Variants in ASCC3 observed in about 807,000 individuals in gnomAD.
ASCC3 encodes the protein activating signal cointegrator 1 complex subunit 3.
A neutral mutation model predicts 256.3 loss-of-function variants in ASCC3; 158 were observed. That is an observed-to-expected ratio of 0.62 (90% CI 0.54 to 0.70). ASCC3 has a LOEUF of 0.70. ASCC3 is among the 30% of genes least tolerant of loss of function. The pLI is 0.00. For missense variants in ASCC3, 2,259 were observed against 2,626.0 expected, an observed-to-expected ratio of 0.86 and a Z score of 3.05; for synonymous variants, 948 against 883.4, an observed-to-expected ratio of 1.07 and a Z score of -1.30.
chr6:100,638,872 T>C (rs1774976661), intron 24 of ASCC3, 51 bp from the exon 25 acceptor site: 2 of 1,328,908 alleles, frequency 1.5e-6, no homozygotes, highest in African/African-American at 1.4e-5. Flanking sequence ...ACACGCATAA[T>C]ACTGAATACT....
intron 2 of ASCC3, among the ~76,000 whole-genome samples, chr6:100,866,911 GTATCT>G (rs1198939468): frequency 5.9e-5 from 9 of 152,130 alleles, no homozygotes; most frequent in South Asian, 2.1e-4. Flanking sequence ...TTTCCTTTAA[GTATCT>G]TATAAGTACA....
chr6:100,700,809 T>C (rs554027241), intron 13 of ASCC3, among the ~76,000 whole-genome samples: 12 of 152,258 alleles, frequency 7.9e-5, no homozygotes, highest in Non-Finnish European at 1.6e-4. Context: ...CCAATGCCTG[T>C]ACCCCATTGT....
rs1201105212 is a variant in ASCC3 at position 100,525,199 on chromosome 6, AAAAAG to A, written c.5776-7062_5776-7058del. On this transcript the variant is annotated intron_variant, in intron 37 of 41. Transcript: ENST00000369162. ...AAAAAAAAAAGAAAGAAAGAAAAAGAAAAAGAAAAGAGAAAATAAGATCATGACAA... is the reference window on the plus strand; with the variant it reads ...AAAAAAAAAAGAAAGAAAGAAAAAGAAAAAGAGAAAATAAGATCATGACAA... Among the ~76,000 whole-genome samples the A allele has an allele frequency of 1.1e-4, 17 of 150,774 alleles. No individual in the cohort carries two copies. In the East Asian group the frequency reaches 2.7e-3, roughly 24 times the overall value.
intron 11 of ASCC3, 68 bp from the exon 12 acceptor site, chr6:100,718,319 T>C: frequency 7.3e-7 from 1 of 1,364,742 alleles, no homozygotes; most frequent in Non-Finnish European, 1.0e-6. Flanking sequence ...TTATAATTTG[T>C]CCTATTAATA....
intron 34 of ASCC3, among the ~76,000 whole-genome samples, chr6:100,590,813 G>A (rs1771966377): frequency 2.6e-5 from 4 of 151,972 alleles, no homozygotes; most frequent in African/African-American, 2.4e-5. Context: ...CAATTTTTGT[G>A]ATATTTTTCA....
At position 100,661,323 on chromosome 6, in the gene ASCC3, T is replaced by TCGCACACACACA. The variant is rs1435976050; in HGVS notation, c.2703+482_2703+483insTGTGTGTGTGCG. On this transcript the variant is annotated intron_variant, in intron 16 of 41. Coordinates refer to ENST00000369162, the MANE Select transcript of ASCC3 (RefSeq NM_006828.4). ...TGCTATGTAAATCTTAACACAAAAG[T>TCGCACACACACA]CACACACACACACACACACACACAC... is the stretch of plus-strand genomic sequence containing the variant. 1.5e-3 allele frequency among the ~76,000 whole-genome samples: 219 copies of TCGCACACACACA among 141,616 alleles called. 6 individuals are homozygous for TCGCACACACACA. In the East Asian group the frequency reaches 0.023, roughly 15 times the overall value. The allele number at this position is 141,616 out of a possible 152,430, so 92.9% of individuals were successfully genotyped here. A position where few individuals can be genotyped will look rare whatever the true frequency, so the allele number is the denominator to read the frequency against.
At chr6:100,601,238 A>T (rs1772592450) in intron 34 of ASCC3, among the ~76,000 whole-genome samples, 1 of 152,088 alleles carries the variant, frequency 6.6e-6, no homozygotes, top group African/African-American at 2.4e-5. Flanking sequence ...GTAACGACTT[A>T]TATGGTTTTT....
At chr6:100,818,410 T>C (rs1309827786) in intron 4 of ASCC3, among the ~76,000 whole-genome samples, 2 of 151,302 alleles carry the variant, frequency 1.3e-5, no homozygotes. Flanking sequence ...CTACTAAAAA[T>C]ACAAAAACTA....
chr6:100,794,339 A>C (rs1374745442), intron 8 of ASCC3, among the ~76,000 whole-genome samples: 1 of 152,060 alleles, frequency 6.6e-6, no homozygotes, highest in South Asian at 2.1e-4. Context: ...TATGGCCTAC[A>C]TGCTAATAAG....
Position 100,646,660 on chromosome 6 carries a change from G to A in ASCC3, c.3588C>T (p.Leu1196=), listed in dbSNP as rs752132341. ...CAGCATAGATGCTGAGTGTCACTCG[G>A]AGGACAGTCCTTGTGATAGGCTGAA... The part of the protein sequence containing the change: ...ASIQPITRTV[L]RVTLSIYADF... The change falls in exon 22 of 42, where the codon CTC becomes CTT. Residue 1196 remains leucine (L), a synonymous_variant. Transcript: ENST00000369162. 43 of 1,613,922 alleles carry A rather than the reference G, an allele frequency of 2.7e-5. No homozygotes were observed. The highest frequency in any genetic ancestry group is 3.6e-5 in the Non-Finnish European group (42 of 1,179,998).
intron 36 of ASCC3, among the ~76,000 whole-genome samples, chr6:100,542,044 A>G (rs979107270): frequency 6.6e-6 from 1 of 152,188 alleles, no homozygotes; most frequent in African/African-American, 2.4e-5. Context: ...CACAACATCA[A>G]TGAGTTGTGA....
At chr6:100,704,906 A>G (rs1019153289) in intron 13 of ASCC3, among the ~76,000 whole-genome samples, 12 of 152,134 alleles carry the variant, frequency 7.9e-5, no homozygotes, top group Non-Finnish European at 1.5e-4. Context: ...TTCTTTTCCT[A>G]TAACTGTAAC....
intron 38 of ASCC3, 93 bp downstream of exon 38, chr6:100,517,898 T>C: frequency 7.4e-7 from 1 of 1,349,634 alleles, no homozygotes; most frequent in Non-Finnish European, 1.0e-6. Flanking sequence ...TAATCAGTAT[T>C]CTCCATAACA....
Position 100,647,285 on chromosome 6 carries a change from C to A in ASCC3, c.3419G>T (p.Arg1140Ile). The A allele has an allele frequency of 6.2e-7, 1 of 1,613,816 alleles. No homozygotes were observed. ...CACAGTAAGCTTTTTTTCTTCTAATCTTGTTAGGATGTGTGGTGGTAGGAT... is the reference window on the plus strand; with the variant it reads ...CACAGTAAGCTTTTTTTCTTCTAATATTGTTAGGATGTGTGGTGGTAGGAT... ...FSILPPHILTRLEEKKLTVDK... is the reference protein window; with the variant it reads ...FSILPPHILTILEEKKLTVDK... Residue 1140 changes from arginine to isoleucine, a missense_variant, in exon 21 of 42, where the codon AGA (arginine) becomes ATA (isoleucine). Around this residue, in one of 2 missense-constraint regions of ASCC3, gnomAD observed 1,839 missense variants for 2,206.7 expected, o/e 0.83. Coordinates refer to ENST00000369162, the MANE Select transcript of ASCC3 (RefSeq NM_006828.4).
intron 37 of ASCC3, among the ~76,000 whole-genome samples, chr6:100,529,996 T>G (rs1236173044): frequency 6.6e-6 from 1 of 152,160 alleles, no homozygotes; most frequent in Non-Finnish European, 1.5e-5. Context: ...GATTTTTTTT[T>G]TTTTCTTTTT....
intron 24 of ASCC3, among the ~76,000 whole-genome samples, chr6:100,639,836 C>T (rs778570780): frequency 6.6e-6 from 1 of 152,092 alleles, no homozygotes; most frequent in Non-Finnish European, 1.5e-5. Context: ...AAATTGAGGC[C>T]GGGAGCGGTG....
intron 8 of ASCC3, among the ~76,000 whole-genome samples, chr6:100,794,220 A>C (rs1769489118): frequency 6.6e-6 from 1 of 152,040 alleles, no homozygotes; most frequent in Admixed American, 6.6e-5. Context: ...TATTTTTAAG[A>C]AGTAATATTT....
intron 30 of ASCC3, among the ~76,000 whole-genome samples, chr6:100,617,509 C>T (rs186141450): frequency 6.6e-6 from 1 of 152,256 alleles, no homozygotes; most frequent in Admixed American, 6.5e-5. Context: ...TTAAATTACA[C>T]AGTAAAACTT....
chr6:100,677,082 A>G (rs758888490), intron 14 of ASCC3, among the ~76,000 whole-genome samples: 1 of 152,140 alleles, frequency 6.6e-6, no homozygotes, highest in South Asian at 2.1e-4. Context: ...GTCTCCCACC[A>G]TGATGATAAT....
Sources: allele counts gnomAD v4.1 joint callset (sites outside exome capture counted in the v4.1 genomes callset), GRCh38; gene constraint gnomAD v4.1.1; regional missense constraint gnomAD v4.1.1; transcripts MANE v1.5; gene names NCBI Gene and HGNC (gene_info 2026-07-23, HGNC 2026-07-21).